The following SGTB variants were observed in gnomAD, a reference collection of about 807,000 sequenced individuals.
The protein encoded by SGTB is small glutamine rich tetratricopeptide repeat co-chaperone beta, also known as small glutamine-rich tetratricopeptide repeat-containing protein beta.
In SGTB, 19 loss-of-function variants were observed where a neutral mutation model predicts 43.9. The observed-to-expected ratio is 0.43, with a 90% CI of 0.30 to 0.63. The LOEUF (loss-of-function observed/expected upper bound fraction) is 0.63. Ranked by LOEUF, SGTB falls within the 30% of genes least tolerant of loss-of-function variation. The pLI is 0.12. For missense variants in SGTB, 304 were observed against 358.9 expected (o/e 0.85, Z 1.24); for synonymous variants, 116 against 117.3 (o/e 0.99, Z 0.07).
chr5:65,712,719 G>A (rs1313498471), intron 3 of SGTB, among the ~76,000 whole-genome samples: 5 of 151,886 alleles, frequency 3.3e-5, no homozygotes, highest in African/African-American at 9.7e-5. Flanking sequence ...CTTAAAAGTC[G>A]ACTAATACAT....
chr5:65,693,341 G>GGGAA (rs562743782), intron 5 of SGTB, among the ~76,000 whole-genome samples: 4 of 147,190 alleles, frequency 2.7e-5, no homozygotes, highest in Admixed American at 2.1e-4. Context: ...GGAGAAGGGA[G>GGGAA]GGAAGGAAGG....
chr5:65,680,819 A>G (rs1322612823), intron 6 of SGTB, 25 bp from the exon 7 acceptor site: 3 of 1,603,030 alleles, frequency 1.9e-6, no homozygotes, highest in Admixed American at 3.4e-5. Flanking sequence ...ATATAAGAAT[A>G]TCAGATATAT....
intron 10 of SGTB, 106 bp downstream of exon 10, chr5:65,671,809 C>T (rs192864937): frequency 5.1e-5 from 51 of 1,004,294 alleles, no homozygotes; most frequent in South Asian, 4.4e-4. Flanking sequence ...AAGTTACTAA[C>T]GGTAAAAGAT....
intron 5 of SGTB, among the ~76,000 whole-genome samples, chr5:65,687,555 T>C (rs1422298934): frequency 6.6e-6 from 1 of 152,234 alleles, no homozygotes; most frequent in East Asian, 1.9e-4. Context: ...TGAGACATTG[T>C]CTCAGAGCAA....
chr5:65,704,056 AT>A (rs1217639192), intron 5 of SGTB, among the ~76,000 whole-genome samples: 18 of 150,790 alleles, frequency 1.2e-4, no homozygotes, highest in African/African-American at 3.9e-4. Flanking sequence ...AAAAAAATAA[AT>A]AAATAAATAA....
chr5:65,712,985 T>C lies in SGTB; in HGVS notation c.180A>G (p.Glu60=). The change falls in exon 3 of 11, where the codon GAA becomes GAG. Residue 60 remains glutamate (E), a synonymous_variant. Coordinates refer to ENST00000381007, the MANE Select transcript of SGTB (RefSeq NM_019072.3). Reference sequence around the variant, plus strand: ...CCTTACAGAAGGAACTGGTAAACATTTCTGTCAAAGGCTGTGAAACTGCTA... The same window carrying C: ...CCTTACAGAAGGAACTGGTAAACATCTCTGTCAAAGGCTGTGAAACTGCTA... The part of the protein sequence containing the change: ...THLAVSQPLT[E]MFTSSFCKND... 6.2e-7 allele frequency: 1 copy of C among 1,613,516 alleles called. No individual in the cohort carries two copies. Among genetic ancestry groups the C allele is most frequent in the Non-Finnish European group, 8.5e-7 (1 of 1,179,700 alleles).
At chr5:65,696,992 G>A (rs1757728113) in intron 5 of SGTB, among the ~76,000 whole-genome samples, 1 of 152,132 alleles carries the variant, frequency 6.6e-6, no homozygotes, top group African/African-American at 2.4e-5. Flanking sequence ...ATTTTGATTA[G>A]TAATAAAATT....
rs571290272 is a variant in SGTB, at chr5:65,708,446, A to G, written c.274+43T>C. 5 of 1,553,026 alleles carry G rather than the reference A, an allele frequency of 3.2e-6. No homozygotes were observed. In the South Asian group the frequency reaches 5.7e-5, roughly 18 times the overall value. ...ATTGACAGTAATTTCCTCCAGTTTC[A>G]GAAAGCTTTACTAAGTAAGTCATTT... On this transcript the variant is annotated intron_variant, in intron 4 of 10. Transcript: ENST00000381007.
At chr5:65,700,727 T>C (rs1318518753) in intron 5 of SGTB, among the ~76,000 whole-genome samples, 1 of 144,442 alleles carries the variant, frequency 6.9e-6, no homozygotes, top group Non-Finnish European at 1.5e-5. Flanking sequence ...AGAAGAATCA[T>C]GGCTGGGCGT....
intron 8 of SGTB, among the ~76,000 whole-genome samples, chr5:65,673,661 A>T (rs1430803836): frequency 6.8e-6 from 1 of 146,938 alleles, no homozygotes. Flanking sequence ...CTATAGGGCT[A>T]TTTTTTTTTT....
chr5:65,715,310 C>T (rs184442942), intron 2 of SGTB, among the ~76,000 whole-genome samples: 25 of 152,090 alleles, frequency 1.6e-4, no homozygotes, highest in East Asian at 1.9e-4. Context: ...ACTGTAACAC[C>T]GAACAAAAAT....
intron 5 of SGTB, among the ~76,000 whole-genome samples, chr5:65,702,169 G>A (rs2150717450): frequency 6.6e-6 from 1 of 152,212 alleles, no homozygotes; most frequent in East Asian, 1.9e-4. Context: ...GCCAAACAGG[G>A]TTGTACAGCA....
chr5:65,710,013 TA>T (rs1758014141), intron 3 of SGTB, among the ~76,000 whole-genome samples: 2 of 152,056 alleles, frequency 1.3e-5, no homozygotes, highest in South Asian at 2.1e-4. Flanking sequence ...GATTCACAAG[TA>T]AAAAAAATTA....
chr5:65,711,084 G>A (rs1383879056), intron 3 of SGTB, among the ~76,000 whole-genome samples: 1 of 151,538 alleles, frequency 6.6e-6, no homozygotes, highest in East Asian at 1.9e-4. Flanking sequence ...AGAATCGCTT[G>A]AACCCAGGAG....
At chr5:65,686,796 C>T (rs1293520822) in intron 5 of SGTB, among the ~76,000 whole-genome samples, 1 of 152,154 alleles carries the variant, frequency 6.6e-6, no homozygotes, top group Non-Finnish European at 1.5e-5. Flanking sequence ...CACACGAAAA[C>T]AATAAAGCTG....
At chr5:65,686,372 T>A (rs565572548) in intron 5 of SGTB, among the ~76,000 whole-genome samples, 1 of 152,264 alleles carries the variant, frequency 6.6e-6, no homozygotes, top group Admixed American at 6.5e-5. Context: ...AGCCCAGAAA[T>A]GAACTTAGGC....
At chr5:65,722,323 C>T (rs1758324895), upstream of SGTB, 1 of 1,486,322 alleles carries the variant, frequency 6.7e-7, no homozygotes, top group Non-Finnish European at 9.0e-7. Flanking sequence ...CGCCTCGCCG[C>T]CCCACGCCGA....
At chr5:65,680,427 A>C in intron 8 of SGTB, 67 bp downstream of exon 8, 1 of 1,543,930 alleles carries the variant, frequency 6.5e-7, no homozygotes, top group Non-Finnish European at 8.8e-7. Context: ...GTTTCTAAAA[A>C]AAATTGCATA....
chr5:65,694,957 A>G (rs1757690588), intron 5 of SGTB, among the ~76,000 whole-genome samples: 1 of 152,228 alleles, frequency 6.6e-6, no homozygotes, highest in African/African-American at 2.4e-5. Flanking sequence ...GAGAAAAGAA[A>G]GAGCCTAGAT....
Sources: gnomAD v4.1 joint callset for allele counts (sites outside exome capture counted in the v4.1 genomes callset) on GRCh38, gnomAD v4.1.1 for gene constraint, MANE v1.5 for transcripts, NCBI Gene and HGNC (gene_info 2026-07-23, HGNC 2026-07-21) for gene names.